The following EMP1 variants were observed in gnomAD, a reference collection of about 807,000 sequenced individuals.
EMP1 encodes epithelial membrane protein 1, also known as tumor-associated membrane protein.
In EMP1, 5 loss-of-function variants were observed where a neutral mutation model predicts 15.7. The ratio of observed to expected loss-of-function variants is 0.32; its 90% CI spans 0.17 to 0.67. The LOEUF is 0.67. Among genes scored for constraint, EMP1 ranks in the 30% least tolerant of loss-of-function variants. The probability of loss-of-function intolerance (pLI) is 0.74; values close to 1 mark genes in which losing one functional copy is unlikely to be tolerated. For missense variants in EMP1, 166 were observed against 194.2 expected (o/e 0.85, Z 0.86); for synonymous variants, 78 against 76.7 (o/e 1.02, Z -0.09).
intron 2 of EMP1, among the ~76,000 whole-genome samples, chr12:13,212,406 C>T (rs1864173241): frequency 1.3e-5 from 2 of 152,172 alleles, no homozygotes; most frequent in Non-Finnish European, 2.9e-5. Flanking sequence ...AGGTCCCTAT[C>T]ACAGTTAAAG....
Position 13,214,584 on chromosome 12 carries a change from C to A in EMP1, c.367C>A (p.Arg123Ser). The change falls in exon 5 of 5, where the codon CGT (arginine) becomes AGT (serine). Residue 123 changes from arginine to serine, a missense_variant. Coordinates refer to ENST00000256951, the MANE Select transcript of EMP1 (RefSeq NM_001423.3). ...CATCTACACTAGTCATTATGCGAATCGTGATGGAACGCAGTATCACCACGG... is the reference window on the plus strand; with the variant it reads ...CATCTACACTAGTCATTATGCGAATAGTGATGGAACGCAGTATCACCACGG... ...VSIYTSHYAN[R>S]DGTQYHHGYS... 1 of 1,613,996 alleles carries A rather than the reference C, an allele frequency of 6.2e-7. No individual in the cohort carries two copies. Among genetic ancestry groups the A allele is most frequent in the Non-Finnish European group, 8.5e-7 (1 of 1,180,008 alleles).
intron 1 of EMP1, among the ~76,000 whole-genome samples, chr12:13,198,403 G>C (rs562622930): frequency 6.6e-6 from 1 of 152,272 alleles, no homozygotes; most frequent in South Asian, 2.1e-4. Flanking sequence ...ACAAAGTTAG[G>C]CTTTTCCTTT....
rs1864214555 is a variant in EMP1, at chr12:13,216,269, T to C, written c.*1578T>C. The C allele has an allele frequency of 1.5e-6, 1 of 659,226 alleles. No homozygotes were observed. Among genetic ancestry groups the C allele is most frequent in the Admixed American group, 2.3e-5 (1 of 43,180 alleles). The allele number at this position is 659,226 out of a possible 1,614,324, so 40.8% of individuals were successfully genotyped here. Reference sequence around the variant, plus strand: ...TATTAGCTTTCTCCTCATCCATTTCTTTTATACCTTTCCTTTTTGGGGAGT... The same window carrying C: ...TATTAGCTTTCTCCTCATCCATTTCCTTTATACCTTTCCTTTTTGGGGAGT... On this transcript the variant is annotated 3_prime_UTR_variant, in exon 5 of 5. Transcript: ENST00000256951.
At chr12:13,202,482 A>ACT (rs1864074647) in intron 1 of EMP1, among the ~76,000 whole-genome samples, 1 of 152,150 alleles carries the variant, frequency 6.6e-6, no homozygotes, top group Non-Finnish European at 1.5e-5. Context: ...GAGGTTTGCA[A>ACT]CCCTGAAACA....
Position 13,217,820 on chromosome 12 carries a change from A to G in EMP1, c.*3129A>G, listed in dbSNP as rs943058640. On this transcript the variant is annotated 3_prime_UTR_variant, in exon 5 of 5. Coordinates refer to ENST00000256951, the MANE Select transcript of EMP1 (RefSeq NM_001423.3). ...CGCGTGTGTGTGCAAACATATATAT[A>G]AATAAATAAAAATATATTTATTTTA... 2.0e-5 allele frequency: 3 copies of G among 152,102 alleles called. No homozygotes were observed. Among genetic ancestry groups the G allele is most frequent in the Non-Finnish European group, 4.4e-5 (3 of 68,018 alleles). 9.4% of individuals were successfully genotyped at this position (152,102 alleles called of 1,614,324 possible). A position where few individuals can be genotyped will look rare whatever the true frequency, so the allele number is the denominator to read the frequency against.
In EMP1 at chr12:13,200,628, G is replaced by A. The variant is rs145536403; in HGVS notation, c.-43+3756G>A. On this transcript the variant is annotated intron_variant, in intron 1 of 4. Transcript: ENST00000256951. ...CCCGACATACACACGTCCTGAGACT[G>A]CTCTTTGCAACAATTCAGTCCCTGG... Among the ~76,000 whole-genome samples the A allele has an allele frequency of 3.0e-4, 46 of 152,320 alleles. No homozygotes were observed. In the East Asian group the frequency reaches 7.3e-3, roughly 24 times the overall value.
chr12:13,213,778 G>A lies in EMP1; in HGVS notation c.273G>A (p.Lys91=), dbSNP rs1472674679. The change falls in exon 4 of 5, where the codon AAG becomes AAA. Residue 91 remains lysine, a synonymous_variant. Transcript: ENST00000256951. Reference sequence around the variant, plus strand: ...TGTTCCAGCTCTTCACCATGGAGAAGGGAAACCGGTTCTTCCTCTCAGGGG... The same window carrying A: ...TGTTCCAGCTCTTCACCATGGAGAAAGGAAACCGGTTCTTCCTCTCAGGGG... ...VFVFQLFTME[K]GNRFFLSGAT... 82 of 1,614,184 alleles carry A rather than the reference G, an allele frequency of 5.1e-5. No individual in the cohort carries two copies. The highest frequency in any genetic ancestry group is 6.9e-5 in the Non-Finnish European group (82 of 1,180,042).
chr12:13,213,436 A>G, intron 2 of EMP1, 43 bp from the exon 3 acceptor site: 1 of 1,551,274 alleles, frequency 6.4e-7, no homozygotes, highest in Non-Finnish European at 8.9e-7. Flanking sequence ...TTTAAATCAG[A>G]GGGCCAGCTT....
intron 1 of EMP1, among the ~76,000 whole-genome samples, chr12:13,202,485 CTG>C (rs1864074776): frequency 6.6e-6 from 1 of 152,144 alleles, no homozygotes; most frequent in Non-Finnish European, 1.5e-5. Flanking sequence ...GTTTGCAACC[CTG>C]AAACAACTAG....
At position 13,216,903 on chromosome 12, in the gene EMP1, C is replaced by T. The variant is rs1403655752; in HGVS notation, c.*2212C>T. ...TTTATTTGAGACATTAAGCTACTTT[C>T]TGGTAATATATTAGGCATTTCTGCA... On this transcript the variant is annotated 3_prime_UTR_variant, in exon 5 of 5. Transcript: ENST00000256951. 1.9e-5 allele frequency: 3 copies of T among 158,102 alleles called. No homozygotes were observed. The highest frequency in any genetic ancestry group is 7.2e-5 in the African/African-American group (3 of 41,524). 9.8% of individuals were successfully genotyped at this position (158,102 alleles called of 1,614,324 possible).
intron 1 of EMP1, among the ~76,000 whole-genome samples, chr12:13,199,020 G>T (rs1012683140): frequency 1.3e-5 from 2 of 151,652 alleles, no homozygotes; most frequent in Non-Finnish European, 2.9e-5. Flanking sequence ...AGAATGGGGC[G>T]GGGGCGGGGG....
chr12:13,212,557 T>C (rs1010609061), intron 2 of EMP1, among the ~76,000 whole-genome samples: 41 of 152,386 alleles, frequency 2.7e-4, no homozygotes, highest in African/African-American at 7.7e-4. Flanking sequence ...AGCCATTCTA[T>C]ATGTCAACTC....
intron 1 of EMP1, among the ~76,000 whole-genome samples, chr12:13,201,679 C>T (rs1360756411): frequency 6.6e-6 from 1 of 152,096 alleles, no homozygotes; most frequent in Non-Finnish European, 1.5e-5. Context: ...GTATGGTGTT[C>T]CCCGGACTTA....
intron 2 of EMP1, among the ~76,000 whole-genome samples, chr12:13,213,059 T>C (rs1864181152): frequency 6.6e-6 from 1 of 152,248 alleles, no homozygotes; most frequent in Non-Finnish European, 1.5e-5. Flanking sequence ...GTTGGACATT[T>C]CACTTTTTTC....
intron 4 of EMP1, 57 bp from the exon 5 acceptor site, chr12:13,214,476 AC>A: frequency 6.3e-7 from 1 of 1,583,152 alleles, no homozygotes; most frequent in East Asian, 2.3e-5. Context: ...AATTAGTAAA[AC>A]TTTTTCTCGA....
Position 13,219,582 on chromosome 12 carries a change from C to T in EMP1, c.*4891C>T, listed in dbSNP as rs921989347. The T allele has an allele frequency of 4.6e-5, 7 of 152,174 alleles. No individual in the cohort carries two copies. The highest frequency in any genetic ancestry group is 1.7e-4 in the African/African-American group (7 of 41,440). The allele number at this position is 152,174 out of a possible 1,614,324, so 9.4% of individuals were successfully genotyped here. A position where few individuals can be genotyped will look rare whatever the true frequency, so the allele number is the denominator to read the frequency against. On this transcript the variant is annotated 3_prime_UTR_variant, in exon 5 of 5. Coordinates refer to ENST00000256951, the MANE Select transcript of EMP1 (RefSeq NM_001423.3). ...ATTCCTGTATTAGTCTGTTTTCACA[C>T]TGCTATGAAGACATACTTGAGACTC... is the stretch of plus-strand genomic sequence containing the variant.
chr12:13,204,727 G>A (rs145580181), intron 1 of EMP1, among the ~76,000 whole-genome samples: 242 of 152,326 alleles, frequency 1.6e-3, no homozygotes, highest in African/African-American at 5.0e-3. Context: ...GAAGCACCAC[G>A]TCTTTGGTCA....
At position 13,215,732 on chromosome 12, in the gene EMP1, A is replaced by T. The variant is rs1205784483; in HGVS notation, c.*1041A>T. 1 of 152,656 alleles carries T rather than the reference A, an allele frequency of 6.6e-6. No individual in the cohort carries two copies. Among genetic ancestry groups the T allele is most frequent in the Non-Finnish European group, 1.5e-5 (1 of 68,148 alleles). 9.5% of individuals were successfully genotyped at this position (152,656 alleles called of 1,614,324 possible). A position where few individuals can be genotyped will look rare whatever the true frequency, so the allele number is the denominator to read the frequency against. ...GCTCAGTGGTAGCTCTGGCTTAGACACCACCTGGAGTGATCACCTCTTGGG... is the reference window on the plus strand; with the variant it reads ...GCTCAGTGGTAGCTCTGGCTTAGACTCCACCTGGAGTGATCACCTCTTGGG... On this transcript the variant is annotated 3_prime_UTR_variant, in exon 5 of 5. Transcript: ENST00000256951.
intron 1 of EMP1, among the ~76,000 whole-genome samples, chr12:13,207,836 T>C (rs887042122): frequency 6.6e-6 from 1 of 152,154 alleles, no homozygotes; most frequent in African/African-American, 2.4e-5. Context: ...AAAAATGCAA[T>C]GAATTGATAA....
Sources: allele counts gnomAD v4.1 joint callset (sites outside exome capture counted in the v4.1 genomes callset), GRCh38; gene constraint gnomAD v4.1.1; transcripts MANE v1.5; gene names NCBI Gene and HGNC (gene_info 2026-07-23, HGNC 2026-07-21).